The following MTR variants were observed in gnomAD, a reference collection of about 807,000 sequenced individuals.
MTR encodes the protein methionine synthase.
In MTR, 84 loss-of-function variants were observed where a neutral mutation model predicts 154.8. The ratio of observed to expected loss-of-function variants is 0.54; its 90% CI spans 0.45 to 0.65. MTR has a LOEUF of 0.65. Among genes scored for constraint, MTR ranks in the 30% least tolerant of loss-of-function variants. The probability of loss-of-function intolerance (pLI) is 0.00; values close to 1 mark genes in which losing one functional copy is unlikely to be tolerated. For missense variants in MTR, 1,275 were observed against 1,570.2 expected (o/e 0.81, Z 3.18); for synonymous variants, 554 against 553.9 (o/e 1.00, Z 0.00).
At chr1:236,841,641 G>T (rs1416735937) in intron 15 of MTR, among the ~76,000 whole-genome samples, 1 of 121,970 alleles carries the variant, frequency 8.2e-6, no homozygotes, top group Admixed American at 9.0e-5. Context: ...CAAATTCTTG[G>T]TTAATCTTTT....
chr1:236,806,143 G>C lies in MTR; in HGVS notation c.250-1G>C, dbSNP rs145939391. 30 of 1,613,456 alleles carry C rather than the reference G, an allele frequency of 1.9e-5. No homozygotes were observed. The highest frequency in any genetic ancestry group is 2.5e-5 in the Non-Finnish European group (29 of 1,179,518). On this transcript the variant is annotated splice_acceptor_variant, in intron 2 of 32. Transcript: ENST00000366577. LOFTEE classifies it high-confidence loss of function. The stretch of plus-strand genomic sequence containing the variant: ...ATTGACATTATAATCTCTTGTTGCA[G>C]GAATACTTGCTGGCTGGGGCAGATA...
intron 1 of MTR, among the ~76,000 whole-genome samples, chr1:236,798,902 G>T (rs1233539790): frequency 6.6e-6 from 1 of 152,152 alleles, no homozygotes; most frequent in African/African-American, 2.4e-5. Context: ...TTTTGAGCAA[G>T]TTCTGATAGT....
At chr1:236,876,728 G>A (rs944686155) in intron 24 of MTR, among the ~76,000 whole-genome samples, 1 of 151,444 alleles carries the variant, frequency 6.6e-6, no homozygotes, top group Non-Finnish European at 1.5e-5. Flanking sequence ...AAAACATTGA[G>A]AAGCAACGTG....
At position 236,823,037 on chromosome 1, in the gene MTR, A is replaced by G. The variant is rs184944001; in HGVS notation, c.765-1082A>G. ...CTAGTTTGCTGAATTTTTTTAATGA[A>G]TGAGTATTGGATGTTTGTTAAATAA... On this transcript the variant is annotated intron_variant, in intron 8 of 32. Transcript: ENST00000366577. 4.9e-3 allele frequency among the ~76,000 whole-genome samples: 746 copies of G among 152,210 alleles called. 7 individuals are homozygous for G. The highest frequency in any genetic ancestry group is 5.3e-3 in the Non-Finnish European group (361 of 67,998).
chr1:236,871,110 A>G (rs1447521967), intron 22 of MTR, among the ~76,000 whole-genome samples: 4 of 152,196 alleles, frequency 2.6e-5, no homozygotes, highest in Admixed American at 1.3e-4. Flanking sequence ...CTCTTCGCTC[A>G]GTAAAACTCA....
At chr1:236,847,853 T>C (rs1208947886) in intron 15 of MTR, among the ~76,000 whole-genome samples, 1 of 152,208 alleles carries the variant, frequency 6.6e-6, no homozygotes, top group Admixed American at 6.5e-5. Flanking sequence ...ATTCCGTTGT[T>C]TTACTGAACT....
chr1:236,903,091 A>G lies in MTR; in HGVS notation c.*5447A>G, dbSNP rs1666992187. The G allele has an allele frequency of 6.6e-6, 1 of 152,200 alleles. No homozygotes were observed. The highest frequency in any genetic ancestry group is 1.5e-5 in the Non-Finnish European group (1 of 68,036). 9.4% of individuals were successfully genotyped at this position (152,200 alleles called of 1,614,324 possible). A position where few individuals can be genotyped will look rare whatever the true frequency, so the allele number is the denominator to read the frequency against. On this transcript the variant is annotated 3_prime_UTR_variant, in exon 33 of 33. Coordinates refer to ENST00000366577, the MANE Select transcript of MTR (RefSeq NM_000254.3). ...TGAGGCTGCAGTGAGCTATGATTGCACAGCTGCACTCCAGCCTGTGCTGAG... is the reference window on the plus strand; with the variant it reads ...TGAGGCTGCAGTGAGCTATGATTGCGCAGCTGCACTCCAGCCTGTGCTGAG...
chr1:236,897,059 C>T lies in MTR; in HGVS notation c.3652C>T (p.Leu1218Phe). The T allele has an allele frequency of 6.2e-7, 1 of 1,614,132 alleles. No homozygotes were observed. The highest frequency in any genetic ancestry group is 8.5e-7 in the Non-Finnish European group (1 of 1,180,022). ...AMAPASAVSGLYFSNLKSKYF... is the reference protein window; with the variant it reads ...AMAPASAVSGFYFSNLKSKYF... ...GGCACCTGCTTCAGCAGTCTCAGGC[C>T]TCTACTTCTCCAATTTGAAGTCCAA... Residue 1218 changes from leucine to phenylalanine, a missense_variant, in exon 32 of 33, where the codon CTC becomes TTC. Leu to Phe is a conservative substitution (Grantham distance 22). Transcript: ENST00000366577.
At chr1:236,845,916 A>G (rs1433976656) in intron 15 of MTR, among the ~76,000 whole-genome samples, 1 of 152,160 alleles carries the variant, frequency 6.6e-6, no homozygotes, top group Non-Finnish European at 1.5e-5. Flanking sequence ...CTTTGCTTGG[A>G]TTGACACCAC....
intron 15 of MTR, among the ~76,000 whole-genome samples, chr1:236,848,779 C>T (rs1251890637): frequency 1.3e-5 from 2 of 151,956 alleles, no homozygotes; most frequent in Admixed American, 6.6e-5. Context: ...CTGCAGAGAG[C>T]GATTAAAGAG....
chr1:236,824,270 A>G (rs1350913967), intron 9 of MTR, 51 bp downstream of exon 9: 10 of 1,357,962 alleles, frequency 7.4e-6, no homozygotes, highest in African/African-American at 1.4e-5. Flanking sequence ...AACATAAGAC[A>G]TGGCATAGAT....
chr1:236,829,260 T>C lies in MTR; in HGVS notation c.1067T>C (p.Leu356Ser), dbSNP rs1286773616. The change falls in exon 12 of 33, where the codon TTA (leucine) becomes TCA (serine). Residue 356 changes from leucine to serine, a missense_variant. Transcript: ENST00000366577. ...GCCACTGCTTTTGAAGGACATATGT[T>C]ACTGTCTGGTGAGTCATAAAGACCT... ...PPATAFEGHM[L>S]LSGLEPFRIG... The C allele has an allele frequency of 4.3e-6, 7 of 1,612,620 alleles. No homozygotes were observed. The East Asian group carries it at 1.6e-4, about 36-fold the overall frequency.
intron 14 of MTR, among the ~76,000 whole-genome samples, chr1:236,837,502 C>T (rs1213530853): frequency 6.6e-6 from 1 of 152,144 alleles, no homozygotes; most frequent in East Asian, 1.9e-4. Context: ...AATTATTTAT[C>T]TTTATAAACT....
intron 15 of MTR, among the ~76,000 whole-genome samples, chr1:236,841,900 T>TC (rs1426092994): frequency 6.6e-6 from 1 of 151,534 alleles, no homozygotes; most frequent in East Asian, 1.9e-4. Context: ...ACTCTTTTTT[T>TC]TTTTTTTTTT....
intron 5 of MTR, among the ~76,000 whole-genome samples, chr1:236,812,198 T>G (rs1240039042): frequency 6.6e-6 from 1 of 152,326 alleles, no homozygotes; most frequent in African/African-American, 2.4e-5. Flanking sequence ...CTAACAAAAA[T>G]TTTACCTAGG....
intron 18 of MTR, among the ~76,000 whole-genome samples, chr1:236,859,297 A>AT (rs1664386985): frequency 6.6e-6 from 1 of 152,234 alleles, no homozygotes; most frequent in Non-Finnish European, 1.5e-5. Context: ...GCCGTCATAA[A>AT]TTCGTTAATC....
chr1:236,891,354 G>A (rs1377721333), intron 29 of MTR, 25 bp downstream of exon 29: 2 of 1,606,838 alleles, frequency 1.2e-6, no homozygotes, highest in Non-Finnish European at 1.7e-6. Context: ...CTGACAGCCA[G>A]CACACCGCTT....
chr1:236,887,187 T>C (rs939890388), intron 27 of MTR, among the ~76,000 whole-genome samples: 1 of 152,128 alleles, frequency 6.6e-6, no homozygotes, highest in South Asian at 2.1e-4. Context: ...ACGACATCTG[T>C]GTTCTACACA....
rs537235498 is a variant in MTR at position 236,900,133 on chromosome 1, TA to T, written c.*2491del. On this transcript the variant is annotated 3_prime_UTR_variant, in exon 33 of 33. Coordinates refer to ENST00000366577, the MANE Select transcript of MTR (RefSeq NM_000254.3). ...AAGAATGTTCATAGTTACATATTTATAATAGTTAATAACTGGAAAAAGTGAA... is the reference window on the plus strand; with the variant it reads ...AAGAATGTTCATAGTTACATATTTATATAGTTAATAACTGGAAAAAGTGAA... The T allele has an allele frequency of 1.2e-3, 465 of 397,454 alleles. No homozygotes were observed. Among genetic ancestry groups the T allele is most frequent in the Non-Finnish European group, 1.9e-3 (385 of 200,788 alleles). The allele number at this position is 397,454 out of a possible 1,614,324, so 24.6% of individuals were successfully genotyped here.
Sources: gnomAD v4.1 joint callset for allele counts (sites outside exome capture counted in the v4.1 genomes callset) on GRCh38, gnomAD v4.1.1 for gene constraint, MANE v1.5 for transcripts, NCBI Gene and HGNC (gene_info 2026-07-23, HGNC 2026-07-21) for gene names.